Variants in DPYD observed in about 807,000 individuals in gnomAD.
DPYD encodes the protein dihydropyrimidine dehydrogenase [NADP(+)].
Under a neutral mutation model 116.2 loss-of-function variants are expected in DPYD, and 109 were observed. That is an observed-to-expected ratio of 0.94 (90% confidence interval 0.80 to 1.10). The LOEUF (loss-of-function observed/expected upper bound fraction) is 1.10. Among genes scored for constraint, DPYD ranks in the 50% least tolerant of loss-of-function variants. The pLI is 0.00. For missense variants in DPYD, 1,302 were observed against 1,254.5 expected, an observed-to-expected ratio of 1.04 and a Z score of -0.57; for synonymous variants, 440 against 432.0, an observed-to-expected ratio of 1.02 and a Z score of -0.23.
At chr1:97,377,657 T>C (rs189435764) in intron 15 of DPYD, among the ~76,000 whole-genome samples, 3 of 152,224 alleles carry the variant, frequency 2.0e-5, no homozygotes, top group African/African-American at 4.8e-5. Context: ...ACATATACAA[T>C]GAAATCATGC....
chr1:97,421,619 G>A (rs1674589115), intron 14 of DPYD, among the ~76,000 whole-genome samples: 1 of 152,150 alleles, frequency 6.6e-6, no homozygotes. Flanking sequence ...TATTGTATGT[G>A]CTTTAGTTTG....
chr1:97,349,284 C>G (rs1028801333), intron 16 of DPYD, among the ~76,000 whole-genome samples: 5 of 150,578 alleles, frequency 3.3e-5, no homozygotes, highest in Non-Finnish European at 7.4e-5. Flanking sequence ...GCCAATCCTA[C>G]AAGTTCTTAC....
intron 2 of DPYD, among the ~76,000 whole-genome samples, chr1:97,871,645 T>C (rs1671662730): frequency 6.6e-6 from 1 of 151,418 alleles, no homozygotes; most frequent in Non-Finnish European, 1.5e-5. Flanking sequence ...TATAAGACAG[T>C]GCTCAAAAAA....
At chr1:97,746,831 C>T (rs1225710786) in intron 3 of DPYD, among the ~76,000 whole-genome samples, 5 of 151,824 alleles carry the variant, frequency 3.3e-5, no homozygotes, top group African/African-American at 4.8e-5. Flanking sequence ...GAAATATAAA[C>T]GATATAAAAA....
At chr1:97,322,154 C>T (rs56361361) in intron 16 of DPYD, among the ~76,000 whole-genome samples, 30,870 of 141,122 alleles carry the variant, frequency 0.22, 3,596 homozygotes, top group Non-Finnish European at 0.27. Flanking sequence ...TTAGTGGGTG[C>T]AGTGCACCAG....
At chr1:97,160,028 A>T (rs1050529076) in intron 20 of DPYD, among the ~76,000 whole-genome samples, 2 of 152,048 alleles carry the variant, frequency 1.3e-5, no homozygotes, top group Admixed American at 1.3e-4. Flanking sequence ...TATTATCATT[A>T]GGATACAATC....
At chr1:97,670,569 TC>T (rs1444634521) in intron 8 of DPYD, among the ~76,000 whole-genome samples, 1 of 152,180 alleles carries the variant, frequency 6.6e-6, no homozygotes, top group Admixed American at 6.5e-5. Flanking sequence ...ATCTCAGACT[TC>T]TAGCCTCCAG....
chr1:97,610,019 G>T (rs1382614868), intron 8 of DPYD, among the ~76,000 whole-genome samples: 2 of 151,860 alleles, frequency 1.3e-5, no homozygotes, highest in Non-Finnish European at 2.9e-5. Flanking sequence ...TGAGAAAGAG[G>T]TAATAATTAA....
intron 1 of DPYD, among the ~76,000 whole-genome samples, chr1:97,914,808 T>C (rs1674136670): frequency 6.6e-6 from 1 of 152,134 alleles, no homozygotes; most frequent in Non-Finnish European, 1.5e-5. Context: ...TCCCTCATAA[T>C]ATTGACAAAT....
chr1:97,162,771 A>G (rs1483501362), intron 20 of DPYD, among the ~76,000 whole-genome samples: 4 of 152,208 alleles, frequency 2.6e-5, no homozygotes, highest in African/African-American at 9.6e-5. Context: ...TGGTACTGGT[A>G]CCAAAACAGA....
At chr1:97,776,657 C>G (rs1000592843) in intron 3 of DPYD, among the ~76,000 whole-genome samples, 17 of 152,152 alleles carry the variant, frequency 1.1e-4, no homozygotes, top group African/African-American at 3.4e-4. Flanking sequence ...CACAGACAAT[C>G]TAAAAAAGAC....
At chr1:97,516,005 C>T in intron 12 of DPYD, 64 bp from the exon 13 acceptor site, 1 of 1,458,990 alleles carries the variant, frequency 6.9e-7, no homozygotes, top group Non-Finnish European at 9.5e-7. Flanking sequence ...AATATTTTAC[C>T]AAAAAAATCA....
chr1:97,596,701 G>A (rs1284275359), intron 8 of DPYD, among the ~76,000 whole-genome samples: 2 of 152,150 alleles, frequency 1.3e-5, no homozygotes, highest in African/African-American at 4.8e-5. Flanking sequence ...GAGATAAGGT[G>A]GGTGCCATAT....
chr1:97,740,322 G>A, intron 4 of DPYD, 70 bp downstream of exon 4: 2 of 1,300,442 alleles, frequency 1.5e-6, no homozygotes, highest in Non-Finnish European at 1.1e-6. Context: ...GCTGTATTCT[G>A]TACCCACAGA....
rs886844313 is a variant in DPYD at position 97,417,998 on chromosome 1, T to C, written c.1905+32061A>G. On this transcript the variant is annotated intron_variant, in intron 14 of 22. Transcript: ENST00000370192. ...CCCTTATTTTGATAAAGACAAGCTA[T>C]GCAGAATATCTTGACATTACTGATC... Among the ~76,000 whole-genome samples the C allele has an allele frequency of 3.9e-5, 6 of 152,324 alleles. No individual in the cohort carries two copies. In the East Asian group the frequency reaches 9.7e-4, roughly 25 times the overall value.
intron 20 of DPYD, among the ~76,000 whole-genome samples, chr1:97,179,406 C>A (rs1435002345): frequency 6.6e-6 from 1 of 152,110 alleles, no homozygotes; most frequent in Non-Finnish European, 1.5e-5. Flanking sequence ...TTCAGCTCAG[C>A]TGGGCTGGGC....
intron 5 of DPYD, chr1:97,720,951 T>G (rs1390571738): frequency 1.9e-6 from 3 of 1,603,764 alleles, no homozygotes; most frequent in Middle Eastern, 1.8e-4. Flanking sequence ...GAAAAAAAAG[T>G]GCTCTCATTT....
At chr1:97,387,620 A>ATG (rs1424684555) in intron 14 of DPYD, among the ~76,000 whole-genome samples, 1 of 152,112 alleles carries the variant, frequency 6.6e-6, no homozygotes, top group Admixed American at 6.6e-5. Context: ...TGTCAGACAC[A>ATG]TGGTCAGTAA....
chr1:97,862,207 T>C (rs1671152219), intron 2 of DPYD, among the ~76,000 whole-genome samples: 1 of 151,758 alleles, frequency 6.6e-6, no homozygotes, highest in African/African-American at 2.4e-5. Flanking sequence ...CAGAAAACAG[T>C]AAAAAGATTT....
Sources: gnomAD v4.1 joint callset for allele counts (sites outside exome capture counted in the v4.1 genomes callset) on GRCh38, gnomAD v4.1.1 for gene constraint, MANE v1.5 for transcripts, NCBI Gene and HGNC (gene_info 2026-07-23, HGNC 2026-07-21) for gene names.